The following LINGO2 variants were observed in gnomAD, a reference collection of about 807,000 sequenced individuals.
The protein encoded by LINGO2 is leucine-rich repeat and immunoglobulin-like domain-containing nogo receptor-interacting protein 2.
Under a neutral mutation model 30.6 loss-of-function variants are expected in LINGO2, and 14 were observed. The ratio of observed to expected loss-of-function variants is 0.46; its 90% CI spans 0.30 to 0.72. LINGO2 has a LOEUF of 0.72. Among genes scored for constraint, LINGO2 ranks in the 30% least tolerant of loss-of-function variants. The pLI is 0.07. For synonymous variants in LINGO2, 317 were observed against 288.5 expected (o/e 1.10, Z -1.00); for missense variants, 729 against 751.7 (o/e 0.97, Z 0.35).
At chr9:28,183,252 AATGAGAACAC>A (rs1819422422) in intron 4 of LINGO2, among the ~76,000 whole-genome samples, 1 of 152,216 alleles carries the variant, frequency 6.6e-6, no homozygotes, top group East Asian at 1.9e-4. Flanking sequence ...GGAGTTGAAC[AATGAGAACAC>A]ATGGACACAG....
intron 5 of LINGO2, among the ~76,000 whole-genome samples, chr9:27,979,955 G>A (rs1439050837): frequency 6.6e-6 from 1 of 151,936 alleles, no homozygotes; most frequent in Non-Finnish European, 1.5e-5. Context: ...TCTCATGTGG[G>A]TAGTCACCAT....
intron 5 of LINGO2, among the ~76,000 whole-genome samples, chr9:27,966,005 T>C (rs879088157): frequency 1.3e-5 from 2 of 152,144 alleles, no homozygotes; most frequent in Non-Finnish European, 2.9e-5. Flanking sequence ...CAATATTAAC[T>C]ATCCTACAGG....
the LINGO2 span, among the ~76,000 whole-genome samples, chr9:28,987,523 T>C: frequency 6.6e-6 from 1 of 152,062 alleles, no homozygotes; most frequent in Non-Finnish European, 1.5e-5. Flanking sequence ...ATTATTTTTC[T>C]AGTCCGTATT....
At chr9:28,585,532 T>C (rs1187558207) in intron 1 of LINGO2, among the ~76,000 whole-genome samples, 2 of 151,930 alleles carry the variant, frequency 1.3e-5, no homozygotes, top group African/African-American at 2.4e-5. Flanking sequence ...GTAAATTATA[T>C]AAGATATTCA....
chr9:28,083,626 G>A (rs1178112350), intron 4 of LINGO2, among the ~76,000 whole-genome samples: 1 of 152,128 alleles, frequency 6.6e-6, no homozygotes, highest in Non-Finnish European at 1.5e-5. Flanking sequence ...AATACCACAT[G>A]TGAAATGCCA....
chr9:28,974,148 C>T, the LINGO2 span, among the ~76,000 whole-genome samples: 1 of 152,196 alleles, frequency 6.6e-6, no homozygotes, highest in African/African-American at 2.4e-5. Context: ...GTGGCTCACA[C>T]CTGTAATCCC....
chr9:29,140,179 G>A, the LINGO2 span, among the ~76,000 whole-genome samples: 808 of 151,958 alleles, frequency 5.3e-3, 11 homozygotes, highest in African/African-American at 0.018. Flanking sequence ...GTCACACAAA[G>A]AAACCAGGAA....
At chr9:28,315,172 A>C (rs1348444511) in intron 3 of LINGO2, among the ~76,000 whole-genome samples, 1 of 152,072 alleles carries the variant, frequency 6.6e-6, no homozygotes, top group Non-Finnish European at 1.5e-5. Flanking sequence ...TGGGAAGCTG[A>C]GGCGGGAGGA....
the LINGO2 span, among the ~76,000 whole-genome samples, chr9:29,104,076 T>C: frequency 3.9e-5 from 6 of 152,124 alleles, no homozygotes; most frequent in African/African-American, 1.4e-4. Context: ...GGGCACAAAA[T>C]TTCCATTGCA....
intron 1 of LINGO2, among the ~76,000 whole-genome samples, chr9:28,641,628 A>G (rs751158599): frequency 6.6e-6 from 1 of 152,226 alleles, no homozygotes; most frequent in Non-Finnish European, 1.5e-5. Context: ...GATTTCACAC[A>G]TATTTGCAGT....
the LINGO2 span, among the ~76,000 whole-genome samples, chr9:29,212,568 A>C: frequency 6.6e-6 from 1 of 150,522 alleles, no homozygotes; most frequent in Non-Finnish European, 1.5e-5. Context: ...CTCTATGGCA[A>C]TTGGGGGTGG....
chr9:28,927,353 ACT>A, the LINGO2 span, among the ~76,000 whole-genome samples: 1 of 152,096 alleles, frequency 6.6e-6, no homozygotes, highest in Non-Finnish European at 1.5e-5. Flanking sequence ...CAGACCAAAG[ACT>A]CTCCCAATGA....
intron 4 of LINGO2, among the ~76,000 whole-genome samples, chr9:28,074,009 A>C (rs1396884114): frequency 5.9e-5 from 9 of 152,174 alleles, no homozygotes; most frequent in Non-Finnish European, 1.3e-4. Context: ...AGAATATGTC[A>C]ATGAAAGTTT....
the LINGO2 span, among the ~76,000 whole-genome samples, chr9:29,207,191 C>T: frequency 7.2e-3 from 1,090 of 151,606 alleles, 17 homozygotes; most frequent in African/African-American, 0.025. Flanking sequence ...TGTACATATA[C>T]GTATATATGT....
intron 1 of LINGO2, among the ~76,000 whole-genome samples, chr9:28,486,868 C>A (rs968868385): frequency 3.9e-5 from 6 of 152,044 alleles, no homozygotes; most frequent in African/African-American, 1.4e-4. Flanking sequence ...TACAGCCAGA[C>A]TCTCTTTTGT....
At chr9:28,017,635 T>C (rs979827151) in intron 4 of LINGO2, among the ~76,000 whole-genome samples, 1 of 152,088 alleles carries the variant, frequency 6.6e-6, no homozygotes, top group African/African-American at 2.4e-5. Flanking sequence ...GTAAAATACC[T>C]AGGAATACAG....
chr9:28,213,340 CTGATGTAT>C (rs1820657503), intron 4 of LINGO2, among the ~76,000 whole-genome samples: 1 of 151,368 alleles, frequency 6.6e-6, no homozygotes, highest in African/African-American at 2.4e-5. Flanking sequence ...AGATGGTATT[CTGATGTAT>C]TGAGCCAATC....
the LINGO2 span, among the ~76,000 whole-genome samples, chr9:28,918,034 C>T: frequency 6.6e-6 from 1 of 151,994 alleles, no homozygotes. Flanking sequence ...AGCTAGAAAA[C>T]AGTTTTCCAG....
chr9:28,356,547 G>A (rs1820217243), intron 3 of LINGO2, among the ~76,000 whole-genome samples: 1 of 152,104 alleles, frequency 6.6e-6, no homozygotes, highest in Non-Finnish European at 1.5e-5. Flanking sequence ...ACTGTACCAT[G>A]TAGCTGTTTC....
Sources: gnomAD v4.1 joint callset for allele counts (sites outside exome capture counted in the v4.1 genomes callset) on GRCh38, gnomAD v4.1.1 for gene constraint, MANE v1.5 for transcripts, NCBI Gene and HGNC (gene_info 2026-07-23, HGNC 2026-07-21) for gene names.